Variants in CDH13 observed in about 807,000 individuals in gnomAD.
CDH13 encodes cadherin 13.
In CDH13, 24 loss-of-function variants were observed where a neutral mutation model predicts 63.8. That is an observed-to-expected ratio of 0.38 (90% confidence interval 0.27 to 0.53). The LOEUF (loss-of-function observed/expected upper bound fraction) is 0.53, where lower values mean the gene tolerates loss of function less well. Among genes scored for constraint, CDH13 ranks in the 20% least tolerant of loss-of-function variants. The pLI, the probability that CDH13 is intolerant of heterozygous loss-of-function variation, is 0.85. For synonymous variants in CDH13, 503 were observed against 355.3 expected (o/e 1.42, Z -4.67); for missense variants, 1,049 against 903.1 (o/e 1.16, Z -2.07).
chr16:82,952,524 G>C (rs1189750349), intron 2 of CDH13, among the ~76,000 whole-genome samples: 1 of 152,136 alleles, frequency 6.6e-6, no homozygotes, highest in Admixed American at 6.6e-5. Context: ...AGTGCTTGTT[G>C]CTTTTCAAAA....
chr16:83,374,449 A>G (rs563093495), intron 6 of CDH13, among the ~76,000 whole-genome samples: 63 of 152,320 alleles, frequency 4.1e-4, no homozygotes, highest in Admixed American at 7.2e-4. Context: ...GATAAAGTCA[A>G]TTATCAGTGT....
intron 1 of CDH13, chr16:82,823,703 T>C (rs1376631992): frequency 6.6e-6 from 1 of 152,174 alleles, no homozygotes; most frequent in Non-Finnish European, 1.5e-5. Context: ...TTATATAAAA[T>C]ATAGTATAAT....
chr16:83,377,153 A>G (rs1567627712), intron 6 of CDH13, among the ~76,000 whole-genome samples: 1 of 152,186 alleles, frequency 6.6e-6, no homozygotes, highest in Non-Finnish European at 1.5e-5. Context: ...CAAAATCATA[A>G]ACACGATAAA....
intron 8 of CDH13, among the ~76,000 whole-genome samples, chr16:83,631,080 C>T (rs1161656135): frequency 6.6e-6 from 1 of 152,182 alleles, no homozygotes. Context: ...CTCTCCTCTT[C>T]CTCAGTTCTG....
chr16:83,445,935 AG>A (rs1311765630), intron 6 of CDH13, among the ~76,000 whole-genome samples: 1 of 152,174 alleles, frequency 6.6e-6, no homozygotes, highest in Non-Finnish European at 1.5e-5. Context: ...TGACTCAAAA[AG>A]GCAACTAAAA....
Position 82,795,265 on chromosome 16 carries a change from G to A in CDH13, c.46-63097G>A, listed in dbSNP as rs558493037. ...AATGGACATGGACAGTTGTCCCAGG[G>A]GACTGGAAATCAAGGGTGCTGAGTA... On this transcript the variant is annotated intron_variant, in intron 1 of 13. Coordinates refer to ENST00000567109, the MANE Select transcript of CDH13 (RefSeq NM_001257.5). 1.3e-5 allele frequency among the ~76,000 whole-genome samples: 2 copies of A among 152,116 alleles called. 1 individual carries two copies. Among genetic ancestry groups the A allele is most frequent in the Admixed American group, 1.3e-4 (2 of 15,276 alleles).
chr16:83,651,289 A>G (rs1028374194), intron 8 of CDH13, among the ~76,000 whole-genome samples: 1 of 152,158 alleles, frequency 6.6e-6, no homozygotes, highest in Middle Eastern at 3.2e-3. Context: ...ATTCCTTAAA[A>G]TGATGTTCAG....
intron 2 of CDH13, among the ~76,000 whole-genome samples, chr16:82,930,851 A>G (rs2042467779): frequency 1.3e-5 from 2 of 152,206 alleles, no homozygotes; most frequent in Admixed American, 1.3e-4. Context: ...ATGACCTATC[A>G]GAGAGGACAT....
At chr16:82,693,189 C>G (rs183690149) in intron 1 of CDH13, among the ~76,000 whole-genome samples, 281 of 152,260 alleles carry the variant, frequency 1.8e-3, no homozygotes, top group African/African-American at 6.6e-3. Context: ...CTGGATGATC[C>G]TTTGAAGCCT....
At chr16:83,127,435 G>A (rs1395675923) in intron 4 of CDH13, among the ~76,000 whole-genome samples, 1 of 152,164 alleles carries the variant, frequency 6.6e-6, no homozygotes, top group Non-Finnish European at 1.5e-5. Context: ...TTGGACTATT[G>A]AAAATTGATC....
rs540650523 is a variant in CDH13, at chr16:83,220,190, G to A, written c.636+2693G>A. Among the ~76,000 whole-genome samples, 7 of 152,320 alleles carry A rather than the reference G, an allele frequency of 4.6e-5. No homozygotes were observed. In the East Asian group the frequency reaches 1.2e-3, roughly 25 times the overall value. The stretch of plus-strand genomic sequence containing the variant: ...GTCCTGTTTTCATCATACCCGCACT[G>A]AAGCTTCTTACAGTTGCTGAAGCTT... On this transcript the variant is annotated intron_variant, in intron 5 of 13. Transcript: ENST00000567109.
intron 1 of CDH13, among the ~76,000 whole-genome samples, chr16:82,676,354 T>G (rs546427510): frequency 6.6e-6 from 1 of 152,294 alleles, no homozygotes; most frequent in South Asian, 2.1e-4. Context: ...GGCACCATTC[T>G]CCATCCAGTT....
intron 4 of CDH13, among the ~76,000 whole-genome samples, chr16:83,194,031 A>G (rs574739719): frequency 2.6e-5 from 4 of 152,212 alleles, no homozygotes; most frequent in African/African-American, 7.2e-5. Flanking sequence ...ACCCACACAC[A>G]GGATGCTTTT....
chr16:82,856,575 G>A (rs1295694239), intron 1 of CDH13, among the ~76,000 whole-genome samples: 2 of 150,058 alleles, frequency 1.3e-5, no homozygotes, highest in Admixed American at 1.3e-4. Context: ...GGTGACGAGT[G>A]CCTGTAGTCT....
intron 2 of CDH13, among the ~76,000 whole-genome samples, chr16:82,931,671 C>T (rs972216056): frequency 2.0e-5 from 3 of 152,112 alleles, no homozygotes; most frequent in African/African-American, 7.2e-5. Flanking sequence ...GCCTCACAAT[C>T]ATGGCAGAAG....
intron 7 of CDH13, among the ~76,000 whole-genome samples, chr16:83,567,471 G>A (rs1048688474): frequency 6.6e-6 from 1 of 152,174 alleles, no homozygotes; most frequent in Admixed American, 6.5e-5. Context: ...ATAAGACTTC[G>A]CTAGTAAATG....
intron 3 of CDH13, among the ~76,000 whole-genome samples, chr16:83,056,985 T>C (rs1328584080): frequency 6.6e-6 from 1 of 152,174 alleles, no homozygotes; most frequent in Non-Finnish European, 1.5e-5. Flanking sequence ...GTTTGTTTTT[T>C]GAGATGGAGT....
intron 8 of CDH13, among the ~76,000 whole-genome samples, chr16:83,608,935 A>G (rs1908609463): frequency 6.6e-6 from 1 of 152,154 alleles, no homozygotes; most frequent in Admixed American, 6.5e-5. Context: ...ACATAAGATC[A>G]TTGTCTATAG....
intron 5 of CDH13, among the ~76,000 whole-genome samples, chr16:83,238,767 T>TGTTA (rs1321278285): frequency 6.8e-6 from 1 of 146,528 alleles, no homozygotes; most frequent in African/African-American, 2.5e-5. Flanking sequence ...TTTGTTTGTT[T>TGTTA]TAGCGTTGAA....
Sources: gnomAD v4.1 joint callset for allele counts (sites outside exome capture counted in the v4.1 genomes callset) on GRCh38, gnomAD v4.1.1 for gene constraint, MANE v1.5 for transcripts, NCBI Gene and HGNC (gene_info 2026-07-23, HGNC 2026-07-21) for gene names.